The following ROR1 variants were observed in gnomAD, a reference collection of about 807,000 sequenced individuals.
The protein encoded by ROR1 is ROR family WNT receptor 1, also known as inactive tyrosine-protein kinase transmembrane receptor ROR1.
In ROR1, 19 loss-of-function variants were observed where a neutral mutation model predicts 78.8. The ratio of observed to expected loss-of-function variants is 0.24; its 90% CI spans 0.17 to 0.35. The LOEUF is 0.35. Among genes scored for constraint, ROR1 ranks in the 10% least tolerant of loss-of-function variants. The probability of loss-of-function intolerance (pLI) is 1.00; values close to 1 mark genes in which losing one functional copy is unlikely to be tolerated. For missense variants in ROR1, 917 were observed against 1,177.8 expected, an observed-to-expected ratio of 0.78 and a Z score of 3.24; for synonymous variants, 386 against 433.6, an observed-to-expected ratio of 0.89 and a Z score of 1.36.
intron 1 of ROR1, among the ~76,000 whole-genome samples, chr1:63,898,961 C>T (rs1645463993): frequency 6.6e-6 from 1 of 152,032 alleles, no homozygotes; most frequent in Admixed American, 6.5e-5. Context: ...AATAAATCTC[C>T]TGGAAAGTTT....
chr1:64,162,316 A>G (rs1444467941), intron 8 of ROR1, among the ~76,000 whole-genome samples: 1 of 152,236 alleles, frequency 6.6e-6, no homozygotes, highest in Non-Finnish European at 1.5e-5. Context: ...ATTGAGAAGA[A>G]GAGGCTCCTG....
intron 1 of ROR1, among the ~76,000 whole-genome samples, chr1:63,964,305 T>C (rs1227408928): frequency 6.6e-6 from 1 of 152,348 alleles, no homozygotes; most frequent in East Asian, 1.9e-4. Flanking sequence ...CTATACCTGC[T>C]TTGGGTTGGG....
intron 1 of ROR1, among the ~76,000 whole-genome samples, chr1:63,878,643 T>G (rs1419180658): frequency 6.6e-6 from 1 of 152,154 alleles, no homozygotes; most frequent in Admixed American, 6.6e-5. Context: ...CTGACTTTGC[T>G]CCTCAGCACC....
intron 1 of ROR1, among the ~76,000 whole-genome samples, chr1:63,885,404 TG>T (rs2100380664): frequency 6.6e-6 from 1 of 152,160 alleles, no homozygotes; most frequent in East Asian, 1.9e-4. Flanking sequence ...TTATCTAAGT[TG>T]GGGCCACAGA....
At chr1:63,930,679 C>T (rs548555315) in intron 1 of ROR1, among the ~76,000 whole-genome samples, 1 of 152,308 alleles carries the variant, frequency 6.6e-6, no homozygotes, top group East Asian at 1.9e-4. Flanking sequence ...GACCATCGCT[C>T]ATTTTATGAA....
chr1:64,136,376 A>G (rs1649102777), intron 4 of ROR1, among the ~76,000 whole-genome samples: 1 of 141,496 alleles, frequency 7.1e-6, no homozygotes, highest in Non-Finnish European at 1.5e-5. Context: ...TTTTTTTGAG[A>G]TGATATATTG....
intron 4 of ROR1, among the ~76,000 whole-genome samples, chr1:64,058,597 G>GCTTTT (rs1553154723): frequency 2.0e-5 from 3 of 147,436 alleles, no homozygotes; most frequent in African/African-American, 7.4e-5. Context: ...ATCGTGGTGG[G>GCTTTT]TTTTTTTTTG....
chr1:63,788,194 G>A (rs1171997236), intron 1 of ROR1, among the ~76,000 whole-genome samples: 1 of 152,172 alleles, frequency 6.6e-6, no homozygotes, highest in Non-Finnish European at 1.5e-5. Flanking sequence ...AATGAAGTGG[G>A]TGTTATCCTT....
chr1:63,981,376 G>A (rs1646208437), intron 1 of ROR1, among the ~76,000 whole-genome samples: 1 of 152,130 alleles, frequency 6.6e-6, no homozygotes, highest in African/African-American at 2.4e-5. Context: ...GGGTGGCATT[G>A]GGGTGGAAGC....
chr1:64,036,051 C>T (rs146583394), intron 2 of ROR1, among the ~76,000 whole-genome samples: 11 of 152,260 alleles, frequency 7.2e-5, no homozygotes, highest in African/African-American at 2.2e-4. Context: ...CCCTTTGGTA[C>T]CCTAGAAGGT....
At chr1:64,026,668 A>G (rs1308558486) in intron 2 of ROR1, among the ~76,000 whole-genome samples, 1 of 152,210 alleles carries the variant, frequency 6.6e-6, no homozygotes, top group Middle Eastern at 3.2e-3. Context: ...AAAGTTTACA[A>G]TCATGGCTGA....
chr1:64,178,614 G>A lies in ROR1; in HGVS notation c.2573G>A (p.Ser858Asn). The change falls in exon 9 of 9, where the codon AGT becomes AAT. Residue 858 changes from serine to asparagine, a missense_variant. Physicochemically the swap from Ser to Asn is conservative, Grantham distance 46. Around this residue, in one of 3 missense-constraint regions of ROR1, gnomAD observed 835 missense variants for 1,069.8 expected, o/e 0.78. Transcript: ENST00000371079. The surrounding 1 kb of genome is among the most constrained non-coding windows in gnomAD (Gnocchi z 4.3). ...CPPPKSRSPS[S>N]ASGSTSTGHV... ...CCTCCCAAGAGTCGGTCCCCAAGCA[G>A]TGCCAGTGGGTCGACTAGCACTGGC... The A allele has an allele frequency of 1.9e-6, 3 of 1,614,192 alleles. No homozygotes were observed. The South Asian group carries it at 3.3e-5, about 18-fold the overall frequency.
intron 4 of ROR1, among the ~76,000 whole-genome samples, chr1:64,078,850 T>C (rs1286046834): frequency 1.3e-5 from 2 of 152,142 alleles, no homozygotes; most frequent in East Asian, 1.9e-4. Flanking sequence ...CAGAGTATTA[T>C]AGAGGCCTTG....
intron 8 of ROR1, among the ~76,000 whole-genome samples, chr1:64,162,368 G>C (rs1649970820): frequency 6.6e-6 from 1 of 152,214 alleles, no homozygotes; most frequent in African/African-American, 2.4e-5. Context: ...GGACAATAGG[G>C]AGCTGCCGAC....
At chr1:63,843,123 G>A (rs1645059229) in intron 1 of ROR1, 4 of 679,190 alleles carry the variant, frequency 5.9e-6, no homozygotes, top group Non-Finnish European at 1.1e-5. Context: ...GGAGGAAGGG[G>A]ACGGCCTGCA....
At chr1:63,847,792 T>G (rs1277420206) in intron 1 of ROR1, among the ~76,000 whole-genome samples, 1 of 152,206 alleles carries the variant, frequency 6.6e-6, no homozygotes, top group Non-Finnish European at 1.5e-5. Context: ...CCTACACACC[T>G]TTGTTTGAGG....
intron 1 of ROR1, among the ~76,000 whole-genome samples, chr1:63,868,351 T>C (rs1428337885): frequency 1.3e-5 from 2 of 152,102 alleles, no homozygotes; most frequent in Non-Finnish European, 2.9e-5. Flanking sequence ...ATGAGTCGGG[T>C]CCTCAAGGAT....
chr1:63,838,364 C>A (rs937975380), intron 1 of ROR1, among the ~76,000 whole-genome samples: 1 of 151,814 alleles, frequency 6.6e-6, no homozygotes, highest in South Asian at 2.1e-4. Context: ...CAGCTCCATG[C>A]CTGTTATTGC....
At chr1:64,143,525 C>A in intron 7 of ROR1, 1 of 546,586 alleles carries the variant, frequency 1.8e-6, no homozygotes, top group Non-Finnish European at 2.3e-6. Flanking sequence ...AAAGCAAAAG[C>A]TACAGGGTAG....
Sources: allele counts gnomAD v4.1 joint callset (sites outside exome capture counted in the v4.1 genomes callset), GRCh38; gene constraint gnomAD v4.1.1; regional missense constraint gnomAD v4.1.1; non-coding constraint Gnocchi (gnomAD v3.1); transcripts MANE v1.5; gene names NCBI Gene and HGNC (gene_info 2026-07-23, HGNC 2026-07-21).